TTC21B: variants seen among roughly 807,000 people sequenced by gnomAD.
TTC21B encodes the protein tetratricopeptide repeat protein 21B.
TTC21B carries 127 observed loss-of-function variants against 175.1 expected under a neutral mutation model. The observed-to-expected ratio is 0.73, with a 90% CI of 0.63 to 0.84. TTC21B has a LOEUF of 0.84. Ranked by LOEUF, TTC21B falls within the 40% of genes least tolerant of loss-of-function variation. The pLI is 0.00. For synonymous variants in TTC21B, 524 were observed against 524.5 expected, an observed-to-expected ratio of 1.00 and a Z score of 0.01; for missense variants, 1,561 against 1,558.3, an observed-to-expected ratio of 1.00 and a Z score of -0.03.
At chr2:165,888,925 A>T (rs1286258152) in intron 24 of TTC21B, among the ~76,000 whole-genome samples, 1 of 48,524 alleles carries the variant, frequency 2.1e-5, no homozygotes. Context: ...GAACAGGTAA[A>T]GTAATTTTCT....
intron 19 of TTC21B, among the ~76,000 whole-genome samples, chr2:165,907,465 G>T (rs1685777453): frequency 6.6e-6 from 1 of 151,968 alleles, no homozygotes; most frequent in African/African-American, 2.4e-5. Flanking sequence ...CTATAAAATG[G>T]GATTAAAAAA....
chr2:165,875,098 A>C lies in TTC21B; in HGVS notation c.3874-266T>G, dbSNP rs6710866. On this transcript the variant is annotated intron_variant, in intron 28 of 28. Transcript: ENST00000243344. ...CTTACCTAATAGATGAATTGTATAA[A>C]ACAATTATGTATCAATGATTTAAAA... 0.018 allele frequency among the ~76,000 whole-genome samples: 2,774 copies of C among 152,320 alleles called. 120 individuals carry two copies. Among genetic ancestry groups the C allele is most frequent in the Admixed American group, 0.099 (1,517 of 15,292 alleles).
At position 165,919,541 on chromosome 2, in the gene TTC21B, A is replaced by G. The variant is rs1052974008; in HGVS notation, c.1517-108T>C. On this transcript the variant is annotated intron_variant, in intron 12 of 28. Transcript: ENST00000243344. ...GTTTACGGATAGCCCTAGTGTTTGT[A>G]AACTTAAAGTTTGCTGTTCATAGGC... 6.3e-6 allele frequency: 8 copies of G among 1,271,768 alleles called. No individual in the cohort carries two copies. In the East Asian group the frequency reaches 1.0e-4, roughly 16 times the overall value. 78.8% of individuals were successfully genotyped at this position (1,271,768 alleles called of 1,614,324 possible).
intron 1 of TTC21B, among the ~76,000 whole-genome samples, chr2:165,953,118 GTTATT>G (rs1687810631): frequency 6.6e-6 from 1 of 152,144 alleles, no homozygotes; most frequent in African/African-American, 2.4e-5. Context: ...CATCCGAAAA[GTTATT>G]TTATTTTCAA....
chr2:165,894,168 T>C (rs1685285182), intron 22 of TTC21B, among the ~76,000 whole-genome samples: 1 of 152,066 alleles, frequency 6.6e-6, no homozygotes, highest in Non-Finnish European at 1.5e-5. Context: ...ATGTGTTAGC[T>C]AGCTATCAAG....
Position 165,917,235 on chromosome 2 carries a change from C to G in TTC21B, c.1899+22G>C, listed in dbSNP as rs765585704. The G allele has an allele frequency of 7.5e-6, 12 of 1,605,182 alleles. No individual in the cohort carries two copies. The African/African-American group carries it at 1.5e-4, about 20-fold the overall frequency. On this transcript the variant is annotated intron_variant, in intron 14 of 28. Coordinates refer to ENST00000243344, the MANE Select transcript of TTC21B (RefSeq NM_024753.5). ...GAATAAGAAAGTTCACATCCGAGCC[C>G]TTAAATTAAAACTTGACCTACCTGC...
intron 1 of TTC21B, among the ~76,000 whole-genome samples, chr2:165,950,843 A>G (rs573813931): frequency 6.6e-6 from 1 of 152,254 alleles, no homozygotes; most frequent in South Asian, 2.1e-4. Context: ...CTTGACTTCA[A>G]GTGATCCACC....
At chr2:165,876,278 A>G (rs1056574996) in intron 27 of TTC21B, 46 bp from the exon 28 acceptor site, 9 of 1,198,792 alleles carry the variant, frequency 7.5e-6, no homozygotes, top group Non-Finnish European at 1.1e-5. Flanking sequence ...GTACACTGCT[A>G]CTATTACTTT....
intron 27 of TTC21B, among the ~76,000 whole-genome samples, chr2:165,877,414 T>C (rs541907623): frequency 4.6e-5 from 7 of 152,188 alleles, no homozygotes; most frequent in Non-Finnish European, 1.0e-4. Flanking sequence ...ACCACATACA[T>C]GATGGTGGTC....
At chr2:165,932,694 C>G (rs563443166) in intron 7 of TTC21B, among the ~76,000 whole-genome samples, 1 of 151,968 alleles carries the variant, frequency 6.6e-6, no homozygotes, top group African/African-American at 2.4e-5. Flanking sequence ...TATTACTACA[C>G]AGGAGTTTCA....
intron 27 of TTC21B, among the ~76,000 whole-genome samples, chr2:165,879,365 A>G (rs1036547923): frequency 6.6e-6 from 1 of 152,212 alleles, no homozygotes; most frequent in African/African-American, 2.4e-5. Context: ...GATATATCAC[A>G]CCTTAGAATA....
Position 165,916,514 on chromosome 2 carries a change from C to T in TTC21B, c.1899+743G>A, listed in dbSNP as rs865989810. ...CTTTATAATATTCCTATGAGTTTAC[C>T]AAAGCTGTATTCATCAAGTATTTTG... On this transcript the variant is annotated intron_variant, in intron 14 of 28. Coordinates refer to ENST00000243344, the MANE Select transcript of TTC21B (RefSeq NM_024753.5). Among the ~76,000 whole-genome samples, 3 of 151,866 alleles carry T rather than the reference C, an allele frequency of 2.0e-5. 1 individual carries two copies. The highest frequency in any genetic ancestry group is 4.2e-4 in the South Asian group (2 of 4,802).
intron 22 of TTC21B, among the ~76,000 whole-genome samples, chr2:165,895,580 A>G (rs1389123476): frequency 2.0e-5 from 3 of 152,192 alleles, no homozygotes; most frequent in Admixed American, 6.5e-5. Context: ...TATATTATGT[A>G]TATTACTTTT....
At chr2:165,948,562 T>C (rs894525345) in intron 3 of TTC21B, 2 of 152,242 alleles carry the variant, frequency 1.3e-5, no homozygotes, top group African/African-American at 4.8e-5. Flanking sequence ...ATGTAATTTT[T>C]TGAAACACAA....
intron 3 of TTC21B, 53 bp from the exon 4 acceptor site, chr2:165,945,743 A>C: frequency 6.4e-7 from 1 of 1,572,152 alleles, no homozygotes; most frequent in African/African-American, 1.4e-5. Flanking sequence ...TCAGGTATTT[A>C]TAATAGGTCA....
chr2:165,880,286 T>C (rs1448802625), intron 27 of TTC21B, among the ~76,000 whole-genome samples: 1 of 152,154 alleles, frequency 6.6e-6, no homozygotes, highest in African/African-American at 2.4e-5. Context: ...TCCATCGCAA[T>C]ATACGTTAGT....
chr2:165,910,118 C>A, intron 18 of TTC21B, among the ~76,000 whole-genome samples: 1 of 151,966 alleles, frequency 6.6e-6, no homozygotes, highest in East Asian at 1.9e-4. Context: ...AAATAAAGAT[C>A]TTAGGCCAGG....
intron 26 of TTC21B, among the ~76,000 whole-genome samples, chr2:165,882,713 C>G (rs1684876298): frequency 6.6e-6 from 1 of 152,154 alleles, no homozygotes; most frequent in African/African-American, 2.4e-5. Context: ...ACATATTCAA[C>G]CAGCAGGGCT....
intron 22 of TTC21B, among the ~76,000 whole-genome samples, chr2:165,895,829 A>C (rs896102365): frequency 5.9e-5 from 9 of 152,148 alleles, no homozygotes; most frequent in Admixed American, 5.9e-4. Context: ...GCAAAAAACA[A>C]ATGAAATTGC....
Sources: gnomAD v4.1 joint callset for allele counts (sites outside exome capture counted in the v4.1 genomes callset) on GRCh38, gnomAD v4.1.1 for gene constraint, MANE v1.5 for transcripts, NCBI Gene and HGNC (gene_info 2026-07-23, HGNC 2026-07-21) for gene names.